The following GUCY1B1 variants were observed in gnomAD, a reference collection of about 807,000 sequenced individuals.
The protein encoded by GUCY1B1 is guanylate cyclase 1 soluble subunit beta 1.
Under a neutral mutation model 71.0 loss-of-function variants are expected in GUCY1B1, and 43 were observed. The observed-to-expected ratio is 0.61, with a 90% CI of 0.47 to 0.78. GUCY1B1 has a LOEUF of 0.78. Ranked by LOEUF, GUCY1B1 falls within the 30% of genes least tolerant of loss-of-function variation. The pLI, the probability that GUCY1B1 is intolerant of heterozygous loss-of-function variation, is 0.00. For synonymous variants in GUCY1B1, 266 were observed against 259.7 expected (o/e 1.02, Z -0.23); for missense variants, 535 against 754.1 (o/e 0.71, Z 3.40).
intron 2 of GUCY1B1, chr4:155,772,528 C>T (rs1737763207): frequency 1.9e-6 from 1 of 526,202 alleles, no homozygotes. Flanking sequence ...AATATTCTCC[C>T]ACCTCAGCCT....
rs1433920715 is a variant in GUCY1B1, at chr4:155,782,020, T to C, written c.297+4378T>C. On this transcript the variant is annotated intron_variant, in intron 4 of 13. Coordinates refer to ENST00000264424, the MANE Select transcript of GUCY1B1 (RefSeq NM_000857.5). The stretch of plus-strand genomic sequence containing the variant: ...TTATTCATAAATTGACAATAAAATG[T>C]GTGGTTCCATGCTATTGCTATAGTC... Among the ~76,000 whole-genome samples, 3 of 152,254 alleles carry C rather than the reference T, an allele frequency of 2.0e-5. No homozygotes were observed. In the East Asian group the frequency reaches 5.8e-4, roughly 29 times the overall value.
rs569814556 is a variant in GUCY1B1 at position 155,765,074 on chromosome 4, C to T, written c.77+5214C>T. Among the ~76,000 whole-genome samples, 49 of 151,886 alleles carry T rather than the reference C, an allele frequency of 3.2e-4. 3 individuals carry two copies. The highest frequency in any genetic ancestry group is 3.4e-3 in the Middle Eastern group (1 of 294). On this transcript the variant is annotated intron_variant, in intron 2 of 13. Transcript: ENST00000264424. The stretch of plus-strand genomic sequence containing the variant: ...GAGTACATCACTTAATTTGGCGTGT[C>T]GGAAGGATCTTTGCACATTACGGTG...
chr4:155,783,010 G>A (rs116697663), intron 4 of GUCY1B1, among the ~76,000 whole-genome samples: 1,830 of 152,294 alleles, frequency 0.012, 35 homozygotes, highest in African/African-American at 0.041. Flanking sequence ...CCCAAGGGTA[G>A]AACTTTCTAA....
rs368863863 is a variant in GUCY1B1, at chr4:155,785,478, T to G, written c.298-4236T>G. On this transcript the variant is annotated intron_variant, in intron 4 of 13. Coordinates refer to ENST00000264424, the MANE Select transcript of GUCY1B1 (RefSeq NM_000857.5). ...CAGAATATCAGTTTTGATATGAAAC[T>G]CTTATTCCCCAGAATACATTGTTAG... 710 of 532,364 alleles carry G rather than the reference T, an allele frequency of 1.3e-3. 11 individuals carry two copies. The South Asian group carries it at 0.02, about 15-fold the overall frequency. The allele number at this position is 532,364 out of a possible 1,614,324, so 33.0% of individuals were successfully genotyped here.
intron 2 of GUCY1B1, among the ~76,000 whole-genome samples, chr4:155,765,865 A>G (rs1737299289): frequency 6.6e-6 from 1 of 152,156 alleles, no homozygotes; most frequent in African/African-American, 2.4e-5. Flanking sequence ...ACCCTCCTGT[A>G]AATGTAAACA....
Position 155,807,134 on chromosome 4 carries a change from C to T in GUCY1B1, c.*725C>T, listed in dbSNP as rs753383487. 4 of 152,168 alleles carry T rather than the reference C, an allele frequency of 2.6e-5. No homozygotes were observed. Among genetic ancestry groups the T allele is most frequent in the Admixed American group, 6.6e-5 (1 of 15,256 alleles). 9.4% of individuals were successfully genotyped at this position (152,168 alleles called of 1,614,324 possible). On this transcript the variant is annotated 3_prime_UTR_variant, in exon 14 of 14. Transcript: ENST00000264424. ...TGTAACTGTATCCCCTGTATTAAATCTCATTAACCACAGGCAGCTGTTACA... is the reference window on the plus strand; with the variant it reads ...TGTAACTGTATCCCCTGTATTAAATTTCATTAACCACAGGCAGCTGTTACA...
chr4:155,778,531 AT>A (rs1738210393), intron 4 of GUCY1B1, among the ~76,000 whole-genome samples: 2 of 152,240 alleles, frequency 1.3e-5, no homozygotes, highest in African/African-American at 2.4e-5. Flanking sequence ...ATCCAGCTGC[AT>A]TATTGATTTA....
chr4:155,798,160 T>C (rs1314475635), intron 8 of GUCY1B1, among the ~76,000 whole-genome samples: 1 of 152,230 alleles, frequency 6.6e-6, no homozygotes, highest in Non-Finnish European at 1.5e-5. Flanking sequence ...CAGATTGTCC[T>C]ATGAGACATG....
intron 6 of GUCY1B1, among the ~76,000 whole-genome samples, chr4:155,794,413 T>C (rs184350158): frequency 7.4e-4 from 112 of 152,310 alleles, no homozygotes; most frequent in Non-Finnish European, 1.4e-3. Flanking sequence ...TGAATAAATA[T>C]TCATTGGATA....
intron 1 of GUCY1B1, 45 bp downstream of exon 1, chr4:155,759,188 G>T (rs1459845): frequency 0.46 from 708,946 of 1,539,172 alleles, 168,290 homozygotes; most frequent in East Asian, 0.7. Context: ...ACCCCTCCTC[G>T]GCCGGCCTGG....
Position 155,795,404 on chromosome 4 carries a change from A to T in GUCY1B1, c.790A>T (p.Ser264Cys), listed in dbSNP as rs765293059. 5.6e-6 allele frequency: 9 copies of T among 1,608,692 alleles called. No homozygotes were observed. In the East Asian group the frequency reaches 2.0e-4, roughly 36 times the overall value. ...GCTGGTTCGTCCTCATATTGATATT[A>T]GTTTCCATGGGATCCTTTCTCACAT... is the stretch of plus-strand genomic sequence containing the variant. ...FSLVRPHIDI[S>C]FHGILSHINT... is the part of the protein sequence containing the mutation. The change falls in exon 7 of 14, where the codon AGT becomes TGT. Residue 264 changes from serine to cysteine, a missense_variant. Ser to Cys is a moderately radical substitution (Grantham distance 112, BLOSUM62 -1). Transcript: ENST00000264424.
At chr4:155,798,847 T>C (rs938424480) in intron 8 of GUCY1B1, among the ~76,000 whole-genome samples, 2 of 152,050 alleles carry the variant, frequency 1.3e-5, no homozygotes, top group Non-Finnish European at 2.9e-5. Context: ...GTCGTTGTTG[T>C]TGTTGTTTGA....
intron 2 of GUCY1B1, among the ~76,000 whole-genome samples, chr4:155,765,518 G>A (rs1279929327): frequency 2.0e-5 from 3 of 152,180 alleles, no homozygotes; most frequent in Non-Finnish European, 4.4e-5. Flanking sequence ...TATATCAAAA[G>A]ATAGTGAAGT....
At chr4:155,782,897 C>T (rs1713084863) in intron 4 of GUCY1B1, among the ~76,000 whole-genome samples, 1 of 152,114 alleles carries the variant, frequency 6.6e-6, no homozygotes, top group Non-Finnish European at 1.5e-5. Flanking sequence ...GGGCTCTCAG[C>T]AAAGAGCTGG....
At chr4:155,773,084 G>C (rs549866572) in intron 2 of GUCY1B1, among the ~76,000 whole-genome samples, 6 of 152,192 alleles carry the variant, frequency 3.9e-5, no homozygotes, top group African/African-American at 4.8e-5. Flanking sequence ...TTGCAAGTTC[G>C]CCTAATTAGA....
intron 4 of GUCY1B1, among the ~76,000 whole-genome samples, chr4:155,782,477 A>G (rs1250003955): frequency 6.6e-6 from 1 of 152,226 alleles, no homozygotes; most frequent in African/African-American, 2.4e-5. Context: ...ATAAGAAAAT[A>G]GCTGATAAGG....
chr4:155,788,294 T>A (rs1043183208), intron 4 of GUCY1B1, among the ~76,000 whole-genome samples: 1 of 152,230 alleles, frequency 6.6e-6, no homozygotes, highest in African/African-American at 2.4e-5. Context: ...TTTCCTTGAC[T>A]GTCAGCAGGC....
In GUCY1B1 at chr4:155,806,969, A is replaced by G. The variant is rs1246670049; in HGVS notation, c.*560A>G. On this transcript the variant is annotated 3_prime_UTR_variant, in exon 14 of 14. Transcript: ENST00000264424. ...AGACTCCCAAAGTAAGAATTAACATATCATGCTAAGAAAATAGTGACTATT... is the reference window on the plus strand; with the variant it reads ...AGACTCCCAAAGTAAGAATTAACATGTCATGCTAAGAAAATAGTGACTATT... 1 of 152,210 alleles carries G rather than the reference A, an allele frequency of 6.6e-6. No individual in the cohort carries two copies. The highest frequency in any genetic ancestry group is 2.4e-5 in the African/African-American group (1 of 41,468). The allele number at this position is 152,210 out of a possible 1,614,324, so 9.4% of individuals were successfully genotyped here.
chr4:155,768,534 A>G (rs1453379147), intron 2 of GUCY1B1, among the ~76,000 whole-genome samples: 1 of 151,308 alleles, frequency 6.6e-6, no homozygotes, highest in Non-Finnish European at 1.5e-5. Context: ...CTAATTTTTA[A>G]ACATGTATAC....
Sources: allele counts gnomAD v4.1 joint callset (sites outside exome capture counted in the v4.1 genomes callset), GRCh38; gene constraint gnomAD v4.1.1; transcripts MANE v1.5; gene names NCBI Gene and HGNC (gene_info 2026-07-23, HGNC 2026-07-21).